PCDHA4: variants seen among roughly 807,000 people sequenced by gnomAD.
PCDHA4 encodes the protein protocadherin alpha-4.
Under a neutral mutation model 61.4 loss-of-function variants are expected in PCDHA4, and 49 were observed. The observed-to-expected ratio is 0.80, with a 90% CI of 0.63 to 1.01. The LOEUF (loss-of-function observed/expected upper bound fraction) is 1.01, where lower values mean the gene tolerates loss of function less well. Ranked by LOEUF, PCDHA4 falls within the 50% of genes least tolerant of loss-of-function variation. The pLI is 0.00. For synonymous variants in PCDHA4, 590 were observed against 550.3 expected, an observed-to-expected ratio of 1.07 and a Z score of -1.01; for missense variants, 1,254 against 1,235.8, an observed-to-expected ratio of 1.01 and a Z score of -0.22.
intron 1 of PCDHA4, chr5:140,856,273 G>A (rs1554148468): frequency 6.3e-7 from 1 of 1,598,340 alleles, no homozygotes; most frequent in Admixed American, 1.7e-5. Context: ...ACCTTCTGGA[G>A]GTAAATCTGC....
At chr5:140,832,425 A>G (rs1162624158) in intron 1 of PCDHA4, among the ~76,000 whole-genome samples, 2 of 152,234 alleles carry the variant, frequency 1.3e-5, no homozygotes, top group Non-Finnish European at 2.9e-5. Context: ...AAAGAAGTAC[A>G]TGATAATTTT....
chr5:140,973,799 A>G (rs1470568019), intron 1 of PCDHA4, among the ~76,000 whole-genome samples: 1 of 152,254 alleles, frequency 6.6e-6, no homozygotes, highest in African/African-American at 2.4e-5. Flanking sequence ...CATGCTGTCT[A>G]CTTGACAGAA....
intron 1 of PCDHA4, chr5:140,822,166 A>C: frequency 6.2e-7 from 1 of 1,614,252 alleles, no homozygotes; most frequent in Non-Finnish European, 8.5e-7. Context: ...CAATCCGCCC[A>C]GGTTCTCCAG....
intron 1 of PCDHA4, among the ~76,000 whole-genome samples, chr5:140,963,604 T>A (rs1379826259): frequency 6.6e-6 from 1 of 152,234 alleles, no homozygotes; most frequent in Non-Finnish European, 1.5e-5. Flanking sequence ...CTAGACGTAA[T>A]TGGGAAAGCT....
At chr5:140,831,061 C>T (rs1771357408) in intron 1 of PCDHA4, 1 of 152,162 alleles carries the variant, frequency 6.6e-6, no homozygotes, top group Non-Finnish European at 1.5e-5. Context: ...TATTGTCCCC[C>T]TTTTAAACCA....
At chr5:140,843,797 TC>T (rs2150366805) in intron 1 of PCDHA4, 1 of 1,359,254 alleles carries the variant, frequency 7.4e-7, no homozygotes, top group South Asian at 1.4e-5. Flanking sequence ...ATTTAGTTTT[TC>T]ACCGTATTTT....
intron 1 of PCDHA4, among the ~76,000 whole-genome samples, chr5:140,900,657 C>T (rs116775770): frequency 0.011 from 1,723 of 152,294 alleles, 23 homozygotes; most frequent in African/African-American, 0.039. Context: ...CTGCAATGAA[C>T]AATGGGAGTG....
In PCDHA4 at chr5:140,857,765, G is replaced by A. The variant is rs374400381; in HGVS notation, c.2385+48193G>A. The stretch of plus-strand genomic sequence containing the variant: ...GCTGGCGTCTCCCGCTGGCAGCGCG[G>A]GCGGTGCAGTCAGTGAGCTGGTGCT... On this transcript the variant is annotated intron_variant, in intron 1 of 3. Coordinates refer to ENST00000530339, the MANE Select transcript of PCDHA4 (RefSeq NM_018907.4). The A allele has an allele frequency of 6.1e-5, 98 of 1,597,608 alleles. 8 individuals are homozygous for A. In the African/African-American group the frequency reaches 1.2e-3, roughly 19 times the overall value.
chr5:140,877,288 T>G (rs782747810), intron 1 of PCDHA4: 3 of 1,613,908 alleles, frequency 1.9e-6, no homozygotes, highest in East Asian at 4.5e-5. Flanking sequence ...CTATAACGCT[T>G]GGCTGTCCTA....
At chr5:140,876,455 C>T (rs1554168573) in intron 1 of PCDHA4, 1 of 1,613,874 alleles carries the variant, frequency 6.2e-7, no homozygotes, top group African/African-American at 1.3e-5. Flanking sequence ...AAAGGGATTC[C>T]TTCCATGGCA....
chr5:140,990,694 C>T (rs549554926), intron 3 of PCDHA4, among the ~76,000 whole-genome samples: 10 of 152,108 alleles, frequency 6.6e-5, no homozygotes, highest in Non-Finnish European at 1.5e-4. Context: ...TCGGAGAGTC[C>T]AGATTTATGG....
intron 1 of PCDHA4, among the ~76,000 whole-genome samples, chr5:140,970,594 T>C (rs975404675): frequency 6.6e-6 from 1 of 152,206 alleles, no homozygotes; most frequent in Admixed American, 6.5e-5. Flanking sequence ...ATATGCTTTG[T>C]GATACTTAAA....
chr5:140,939,579 A>AT (rs2153642013), intron 1 of PCDHA4, among the ~76,000 whole-genome samples: 1 of 152,306 alleles, frequency 6.6e-6, no homozygotes, highest in African/African-American at 2.4e-5. Context: ...AAAATGGAAA[A>AT]TTTTAACATA....
intron 1 of PCDHA4, chr5:140,859,527 A>T (rs1435954408): frequency 5.2e-6 from 1 of 191,864 alleles, no homozygotes; most frequent in African/African-American, 2.4e-5. Flanking sequence ...TTTTAAAAAA[A>T]ATTTATTAAT....
intron 3 of PCDHA4, among the ~76,000 whole-genome samples, chr5:140,994,342 T>C (rs571225967): frequency 1.3e-5 from 2 of 152,288 alleles, no homozygotes; most frequent in South Asian, 4.1e-4. Flanking sequence ...ACAGTGGATG[T>C]TGTGGGACCT....
intron 1 of PCDHA4, among the ~76,000 whole-genome samples, chr5:140,911,436 C>T (rs369054235): frequency 6.1e-4 from 93 of 152,242 alleles, no homozygotes; most frequent in South Asian, 2.9e-3. Context: ...TCCAATTTCC[C>T]GCAATTTCAG....
At chr5:140,819,318 G>A (rs1302745002) in intron 1 of PCDHA4, among the ~76,000 whole-genome samples, 3 of 152,048 alleles carry the variant, frequency 2.0e-5, no homozygotes, top group Non-Finnish European at 4.4e-5. Context: ...TCTGGGTTTT[G>A]TAAGGAATAA....
rs782290463 is a variant in PCDHA4, at chr5:140,808,479, G to T, written c.1292G>T (p.Gly431Val). 2.5e-6 allele frequency: 4 copies of T among 1,614,186 alleles called. No individual in the cohort carries two copies. The highest frequency in any genetic ancestry group is 2.2e-5 in the East Asian group (1 of 44,876). The part of the protein sequence containing the change: ...YELVVTARDG[G>V]SPSLWATASV... ...CTGGTGGTGACCGCGCGAGACGGGG[G>T]CTCGCCTTCGCTGTGGGCCACGGCC... Residue 431 changes from glycine to valine, a missense_variant, in exon 1 of 4, where the codon GGC (glycine) becomes GTC (valine). By Grantham distance (109) the Gly-to-Val change is moderately radical. Coordinates refer to ENST00000530339, the MANE Select transcript of PCDHA4 (RefSeq NM_018907.4).
chr5:140,842,833 G>A (rs2150345811), intron 1 of PCDHA4: 9 of 1,593,762 alleles, frequency 5.6e-6, no homozygotes. Flanking sequence ...AGCGCTCGCT[G>A]TCGAGCTACA....
Sources: allele counts gnomAD v4.1 joint callset (sites outside exome capture counted in the v4.1 genomes callset), GRCh38; gene constraint gnomAD v4.1.1; transcripts MANE v1.5; gene names NCBI Gene and HGNC (gene_info 2026-07-23, HGNC 2026-07-21).